Variants in EPB41 observed in about 807,000 individuals in gnomAD.
EPB41 encodes protein 4.1.
Under a neutral mutation model 108.0 loss-of-function variants are expected in EPB41, and 65 were observed. That is an observed-to-expected ratio of 0.60 (90% CI 0.49 to 0.74). EPB41 has a LOEUF of 0.74. Ranked by LOEUF, EPB41 falls within the 30% of genes least tolerant of loss-of-function variation. The pLI, the probability that EPB41 is intolerant of heterozygous loss-of-function variation, is 0.00. For synonymous variants in EPB41, 336 were observed against 358.9 expected, an observed-to-expected ratio of 0.94 and a Z score of 0.72; for missense variants, 875 against 1,037.0, an observed-to-expected ratio of 0.84 and a Z score of 2.15.
At chr1:29,049,214 G>A (rs996123765) in intron 11 of EPB41, among the ~76,000 whole-genome samples, 1 of 152,182 alleles carries the variant, frequency 6.6e-6, no homozygotes, top group African/African-American at 2.4e-5. Flanking sequence ...AGCTAATAAT[G>A]ATGACAAAGA....
intron 16 of EPB41, among the ~76,000 whole-genome samples, chr1:29,076,998 T>C (rs1654346593): frequency 6.6e-6 from 1 of 152,220 alleles, no homozygotes; most frequent in East Asian, 1.9e-4. Flanking sequence ...TAACAAATAA[T>C]ATTTGTTTCA....
chr1:29,114,179 T>C (rs2151746860), intron 19 of EPB41, among the ~76,000 whole-genome samples: 2 of 152,272 alleles, frequency 1.3e-5, no homozygotes, highest in South Asian at 2.1e-4. Flanking sequence ...GCCTGCAAAT[T>C]CAGAGACTGC....
chr1:28,989,405 G>A (rs2095952629), intron 2 of EPB41: 1 of 980,110 alleles, frequency 1.0e-6, no homozygotes, highest in Non-Finnish European at 1.2e-6. Flanking sequence ...TATTTCTGAA[G>A]CATGTGAATA....
At position 29,119,348 on chromosome 1, in the gene EPB41, G is replaced by C. The variant is rs974414490; in HGVS notation, c.*2536G>C. 9 of 152,660 alleles carry C rather than the reference G, an allele frequency of 5.9e-5. No individual in the cohort carries two copies. The highest frequency in any genetic ancestry group is 2.2e-4 in the African/African-American group (9 of 41,456). 9.5% of individuals were successfully genotyped at this position (152,660 alleles called of 1,614,324 possible). A position where few individuals can be genotyped will look rare whatever the true frequency, so the allele number is the denominator to read the frequency against. On this transcript the variant is annotated 3_prime_UTR_variant, in exon 21 of 21. Coordinates refer to ENST00000343067, the MANE Select transcript of EPB41 (RefSeq NM_001376013.1). ...GACTCTGTCCAGGTAGAAATGGTGAGGAGGGGGAAGAGAATTACATTTCCA... is the reference window on the plus strand; with the variant it reads ...GACTCTGTCCAGGTAGAAATGGTGACGAGGGGGAAGAGAATTACATTTCCA...
At chr1:29,025,704 T>C (rs1031620874) in intron 7 of EPB41, among the ~76,000 whole-genome samples, 4 of 152,036 alleles carry the variant, frequency 2.6e-5, no homozygotes, top group African/African-American at 7.3e-5. Context: ...CCAAATTTTA[T>C]ACAGTGAATG....
At chr1:29,015,649 A>G in intron 5 of EPB41, 43 bp from the exon 6 acceptor site, 1 of 1,168,590 alleles carries the variant, frequency 8.6e-7, no homozygotes, top group African/African-American at 1.5e-5. Context: ...ACAATTAGAA[A>G]CTTAGGTATA....
At chr1:29,068,990 C>T (rs980591307) in intron 16 of EPB41, among the ~76,000 whole-genome samples, 3 of 152,194 alleles carry the variant, frequency 2.0e-5, no homozygotes, top group Non-Finnish European at 4.4e-5. Context: ...TTGCTTATTT[C>T]GGCGCATGGC....
chr1:29,111,991 A>AG (rs1260883065), intron 18 of EPB41, among the ~76,000 whole-genome samples: 24 of 151,944 alleles, frequency 1.6e-4, no homozygotes, highest in Non-Finnish European at 2.8e-4. Context: ...AAAAAAAAAA[A>AG]CAAAGATTTT....
chr1:29,068,339 G>A (rs1255915201), intron 16 of EPB41, among the ~76,000 whole-genome samples: 3 of 152,158 alleles, frequency 2.0e-5, no homozygotes, highest in Admixed American at 1.3e-4. Flanking sequence ...TCTTGGATGA[G>A]GCTGGGTAAA....
At chr1:29,012,013 G>A in intron 5 of EPB41, 106 bp downstream of exon 5, 1 of 1,202,940 alleles carries the variant, frequency 8.3e-7, no homozygotes. Flanking sequence ...CCTGACTACT[G>A]CAGATTGCTT....
At chr1:28,932,587 T>C (rs2148580411) in intron 1 of EPB41, among the ~76,000 whole-genome samples, 1 of 152,148 alleles carries the variant, frequency 6.6e-6, no homozygotes, top group South Asian at 2.1e-4. Context: ...GCCAAACTAG[T>C]TATATATTTT....
chr1:28,943,433 A>G (rs1478038323), intron 1 of EPB41, among the ~76,000 whole-genome samples: 1 of 152,140 alleles, frequency 6.6e-6, no homozygotes, highest in East Asian at 1.9e-4. Context: ...TGGGTGGATC[A>G]CCTTAAGTCA....
chr1:28,975,940 CAAAAAAAAAA>C (rs775554564), intron 1 of EPB41, among the ~76,000 whole-genome samples: 8 of 67,680 alleles, frequency 1.2e-4, no homozygotes, highest in African/African-American at 3.7e-4. Context: ...GACTCCATCT[CAAAAAAAAAA>C]AAAAAAAAAA....
rs200336990 is a variant in EPB41, at chr1:28,932,409, A to G, written c.-8+17641A>G. ...AAGTGCTGGGATTACAGGCATGAGC[A>G]TCATGCCTGGCCTCTATATTTTTAT... On this transcript the variant is annotated intron_variant, in intron 1 of 20. Coordinates refer to ENST00000343067, the MANE Select transcript of EPB41 (RefSeq NM_001376013.1). 1.5e-3 allele frequency among the ~76,000 whole-genome samples: 202 copies of G among 139,164 alleles called. 3 individuals carry two copies. The East Asian group carries it at 0.039, about 27-fold the overall frequency. 91.3% of individuals were successfully genotyped at this position (139,164 alleles called of 152,430 possible). A position where few individuals can be genotyped will look rare whatever the true frequency, so the allele number is the denominator to read the frequency against.
chr1:28,942,210 T>TAGC (rs1201251061), intron 1 of EPB41, among the ~76,000 whole-genome samples: 1 of 152,216 alleles, frequency 6.6e-6, no homozygotes, highest in Non-Finnish European at 1.5e-5. Flanking sequence ...CTCCAAAGGA[T>TAGC]AGCAGCTGGG....
At chr1:29,091,545 G>C (rs1661182237) in intron 16 of EPB41, among the ~76,000 whole-genome samples, 1 of 152,136 alleles carries the variant, frequency 6.6e-6, no homozygotes, top group Non-Finnish European at 1.5e-5. Context: ...TAGGTGCTCT[G>C]CTCATTGGTT....
chr1:29,108,909 G>T (rs925971370), intron 17 of EPB41, among the ~76,000 whole-genome samples: 1 of 148,170 alleles, frequency 6.7e-6, no homozygotes, highest in South Asian at 2.1e-4. Context: ...AAAAAAAGAG[G>T]TTACCCTGGC....
chr1:29,056,748 A>AC (rs1558178000), intron 12 of EPB41, among the ~76,000 whole-genome samples: 1 of 151,114 alleles, frequency 6.6e-6, no homozygotes, highest in Non-Finnish European at 1.5e-5. Context: ...ATTGTCTCGA[A>AC]CTCCTGATCT....
intron 1 of EPB41, among the ~76,000 whole-genome samples, chr1:28,896,110 A>G (rs2090633602): frequency 6.6e-6 from 1 of 152,200 alleles, no homozygotes; most frequent in South Asian, 2.1e-4. Context: ...AACCTCTTGG[A>G]GCCTCAGTTT....
Sources: gnomAD v4.1 joint callset for allele counts (sites outside exome capture counted in the v4.1 genomes callset) on GRCh38, gnomAD v4.1.1 for gene constraint, MANE v1.5 for transcripts, NCBI Gene and HGNC (gene_info 2026-07-23, HGNC 2026-07-21) for gene names.